MICAL3: variants seen among roughly 807,000 people sequenced by gnomAD.
The protein encoded by MICAL3 is microtubule associated monooxygenase, calponin and LIM domain containing 3.
MICAL3 carries 62 observed loss-of-function variants against 207.4 expected under a neutral mutation model. The observed-to-expected ratio is 0.30, with a 90% confidence interval of 0.24 to 0.37. The LOEUF (loss-of-function observed/expected upper bound fraction) is 0.37, where lower values mean the gene tolerates loss of function less well. Among genes scored for constraint, MICAL3 ranks in the 10% least tolerant of loss-of-function variants. The probability of loss-of-function intolerance (pLI) is 1.00; values close to 1 mark genes in which losing one functional copy is unlikely to be tolerated. For missense variants in MICAL3, 2,368 were observed against 2,635.6 expected (o/e 0.90, Z 2.22); for synonymous variants, 1,077 against 1,069.3 (o/e 1.01, Z -0.14).
Position 17,902,704 on chromosome 22 carries a change from G to A in MICAL3, c.516C>T (p.Ile172=), listed in dbSNP as rs1189194593. The A allele has an allele frequency of 5.0e-6, 8 of 1,605,720 alleles. No individual in the cohort carries two copies. The South Asian group carries it at 6.7e-5, about 13-fold the overall frequency. Residue 172 remains isoleucine (I), a synonymous_variant, in exon 4 of 32, where the codon ATC becomes ATT. Coordinates refer to ENST00000441493, the MANE Select transcript of MICAL3 (RefSeq NM_015241.3). This position sits in a 1 kb window ranked among gnomAD's most constrained non-coding sequence, Gnocchi z 4.5. Reference sequence around the variant, plus strand: ...CATTGACGTGGATTTCAATGCCTAGGATCAAGGCTACTTTCAAAAGTATTA... The same window carrying A: ...CATTGACGTGGATTTCAATGCCTAGAATCAAGGCTACTTTCAAAAGTATTA... ...LQLILLKVAL[I]LGIEIHVNVE...
chr22:17,803,130 C>T (rs1006678841), intron 29 of MICAL3, among the ~76,000 whole-genome samples: 54 of 152,172 alleles, frequency 3.5e-4, no homozygotes, highest in African/African-American at 1.3e-3. Context: ...CTGTGCCTTC[C>T]TAACAGGCTC....
intron 1 of MICAL3, among the ~76,000 whole-genome samples, chr22:17,950,350 T>G (rs1035935964): frequency 1.9e-4 from 28 of 147,392 alleles, no homozygotes; most frequent in South Asian, 6.7e-4. Flanking sequence ...TTTTTTTTTT[T>G]TTTTTTTTTT....
intron 27 of MICAL3, chr22:17,814,729 C>T (rs2062084056): frequency 6.6e-6 from 1 of 152,170 alleles, no homozygotes; most frequent in Non-Finnish European, 1.5e-5. Context: ...CATTCATCCC[C>T]TAGCCTGGCC....
intron 21 of MICAL3, among the ~76,000 whole-genome samples, chr22:17,831,263 C>G (rs1414312255): frequency 6.6e-6 from 1 of 151,788 alleles, no homozygotes; most frequent in African/African-American, 2.4e-5. Flanking sequence ...CCCTCCTCAT[C>G]ACTTGAGGCC....
chr22:17,884,820 G>A (rs1318472351), intron 16 of MICAL3, among the ~76,000 whole-genome samples: 2 of 152,066 alleles, frequency 1.3e-5, no homozygotes. Context: ...CCTTTTCTGT[G>A]AGCCATAGCA....
chr22:17,988,484 T>C (rs914999321), intron 1 of MICAL3, among the ~76,000 whole-genome samples: 3 of 152,246 alleles, frequency 2.0e-5, no homozygotes, highest in African/African-American at 7.2e-5. Flanking sequence ...AGACGGAGTC[T>C]CACTCTGTCG....
At chr22:17,824,745 T>A (rs1340964195) in intron 22 of MICAL3, among the ~76,000 whole-genome samples, 1 of 152,180 alleles carries the variant, frequency 6.6e-6, no homozygotes, top group Non-Finnish European at 1.5e-5. Flanking sequence ...CATCGGCACC[T>A]GCTGGGGGAA....
intron 1 of MICAL3, among the ~76,000 whole-genome samples, chr22:18,008,445 C>T (rs55684997): frequency 0.063 from 9,629 of 152,266 alleles, 350 homozygotes; most frequent in East Asian, 0.097. Context: ...CCATCCTATC[C>T]ATTGGATGAG....
Position 17,818,756 on chromosome 22 carries a change from C to G in MICAL3, c.3905G>C (p.Ser1302Thr). The G allele has an allele frequency of 6.3e-7, 1 of 1,598,850 alleles. No individual in the cohort carries two copies. Among genetic ancestry groups the G allele is most frequent in the East Asian group, 2.2e-5 (1 of 44,542 alleles). Residue 1302 changes from serine to threonine, a missense_variant, in exon 26 of 32, where the codon AGT becomes ACT. Coordinates refer to ENST00000441493, the MANE Select transcript of MICAL3 (RefSeq NM_015241.3). ...GCTGCCCAGTCTGTCCTTGGTGTCA[C>G]TTTGGCTTTGGACAGGGAGAGGGGC... is the stretch of plus-strand genomic sequence containing the variant. ...PLAPLPVQSQ[S>T]DTKDRLGSPL...
chr22:18,019,493 G>C (rs545629969), intron 1 of MICAL3: 1 of 152,328 alleles, frequency 6.6e-6, no homozygotes, highest in East Asian at 2.0e-4. Context: ...TCAGGAGGTC[G>C]AGACCAGCCT....
chr22:17,904,484 T>G (rs1316867824), intron 3 of MICAL3, 148 bp downstream of exon 3: 19 of 677,998 alleles, frequency 2.8e-5, no homozygotes. Context: ...TACTTCAAGA[T>G]GAGTGCACTT....
intron 1 of MICAL3, among the ~76,000 whole-genome samples, chr22:17,952,666 C>G (rs987279625): frequency 1.3e-5 from 2 of 152,216 alleles, no homozygotes; most frequent in Non-Finnish European, 2.9e-5. Flanking sequence ...GGCCTGCTGC[C>G]AAGGCAGGGG....
At chr22:17,876,697 G>GGGTTATGGAGGTTAGGGAGGTTAGGGA (rs1928389428) in intron 16 of MICAL3, 2 of 130,494 alleles carry the variant, frequency 1.5e-5, no homozygotes, top group Non-Finnish European at 3.4e-5. Context: ...TACACATGCA[G>GGGTTATGGAGGTTAGGGAGGTTAGGGA]GGTTATGGAG....
chr22:17,982,503 T>A (rs1935959088), intron 1 of MICAL3, among the ~76,000 whole-genome samples: 1 of 152,110 alleles, frequency 6.6e-6, no homozygotes, highest in African/African-American at 2.4e-5. Flanking sequence ...AAACGCCATC[T>A]CTACTAAAAA....
In MICAL3 at chr22:17,860,211, A is replaced by C. The variant is rs1428737921; in HGVS notation, c.2605+4688T>G. 4.1e-6 allele frequency: 4 copies of C among 983,088 alleles called. No homozygotes were observed. In the African/African-American group the frequency reaches 7.0e-5, roughly 17 times the overall value. The allele number at this position is 983,088 out of a possible 1,614,324, so 60.9% of individuals were successfully genotyped here. A position where few individuals can be genotyped will look rare whatever the true frequency, so the allele number is the denominator to read the frequency against. On this transcript the variant is annotated intron_variant, in intron 19 of 31. Coordinates refer to ENST00000441493, the MANE Select transcript of MICAL3 (RefSeq NM_015241.3). ...ATAAGAATGTAACATTTGTTAAAAAAAAAATTAAAAGCACGACAACTTGGT... is the reference window on the plus strand; with the variant it reads ...ATAAGAATGTAACATTTGTTAAAAACAAAATTAAAAGCACGACAACTTGGT...
intron 1 of MICAL3, among the ~76,000 whole-genome samples, chr22:17,982,756 AAAG>A (rs10599443): frequency 0.22 from 30,943 of 143,748 alleles, 3,463 homozygotes; most frequent in Middle Eastern, 0.3. Context: ...ATAAAATAAA[AAAG>A]TAAAATAAAG....
chr22:17,821,566 GCACCC>G, intron 24 of MICAL3, 57 bp from the exon 25 acceptor site: 1 of 1,421,886 alleles, frequency 7.0e-7, no homozygotes, highest in Non-Finnish European at 9.5e-7. Context: ...TGCCAGGAAG[GCACCC>G]CTATCAGCCA....
At position 17,898,121 on chromosome 22, in the gene MICAL3, C is replaced by A. The variant is rs1483668394; in HGVS notation, c.949-1140G>T. Reference sequence around the variant, plus strand: ...CCCTGCCCTCTTAAAAAAAAAAAAACATGAAGGCAAAGTAAACCAGGTCTC... The same window carrying A: ...CCCTGCCCTCTTAAAAAAAAAAAAAAATGAAGGCAAAGTAAACCAGGTCTC... On this transcript the variant is annotated intron_variant, in intron 7 of 31. Transcript: ENST00000441493. Among the ~76,000 whole-genome samples, 4 of 141,404 alleles carry A rather than the reference C, an allele frequency of 2.8e-5. No individual in the cohort carries two copies. In the South Asian group the frequency reaches 6.8e-4, roughly 24 times the overall value. 92.8% of individuals were successfully genotyped at this position (141,404 alleles called of 152,430 possible).
At chr22:17,815,378 T>A (rs2062093611) in intron 27 of MICAL3, 1 of 152,290 alleles carries the variant, frequency 6.6e-6, no homozygotes, top group Non-Finnish European at 1.5e-5. Flanking sequence ...ATAGGTTGAA[T>A]GTCCACACTG....
Sources: gnomAD v4.1 joint callset for allele counts (sites outside exome capture counted in the v4.1 genomes callset) on GRCh38, gnomAD v4.1.1 for gene constraint, Gnocchi (gnomAD v3.1) non-coding constraint, MANE v1.5 for transcripts, NCBI Gene and HGNC (gene_info 2026-07-23, HGNC 2026-07-21) for gene names.